The following FAM13B variants were observed in gnomAD, a reference collection of about 807,000 sequenced individuals.
FAM13B encodes the protein family with sequence similarity 13 member B, also known as protein FAM13B.
FAM13B carries 60 observed loss-of-function variants against 117.3 expected under a neutral mutation model. The observed-to-expected ratio is 0.51, with a 90% CI of 0.42 to 0.63. FAM13B has a LOEUF of 0.63. Among genes scored for constraint, FAM13B ranks in the 30% least tolerant of loss-of-function variants. The pLI is 0.00. For synonymous variants in FAM13B, 332 were observed against 356.1 expected, an observed-to-expected ratio of 0.93 and a Z score of 0.76; for missense variants, 972 against 1,091.9, an observed-to-expected ratio of 0.89 and a Z score of 1.55.
intron 10 of FAM13B, among the ~76,000 whole-genome samples, chr5:137,976,908 G>T (rs1250250851): frequency 6.6e-6 from 1 of 152,150 alleles, no homozygotes; most frequent in East Asian, 1.9e-4. Context: ...CTTGAAAAAA[G>T]AACAGGATAA....
intron 10 of FAM13B, 90 bp from the exon 11 acceptor site, chr5:137,962,559 G>C (rs774866733): frequency 5.6e-5 from 66 of 1,168,288 alleles, no homozygotes; most frequent in Non-Finnish European, 7.8e-5. Context: ...TTAGAATACA[G>C]ATTAGTCAAA....
intron 4 of FAM13B, among the ~76,000 whole-genome samples, chr5:138,014,230 C>T (rs947545256): frequency 6.6e-6 from 1 of 152,252 alleles, no homozygotes; most frequent in African/African-American, 2.4e-5. Flanking sequence ...AGTCCCCACG[C>T]CCAGCCATGA....
chr5:137,944,459 T>C (rs1480543053), intron 20 of FAM13B, among the ~76,000 whole-genome samples: 1 of 152,032 alleles, frequency 6.6e-6, no homozygotes, highest in African/African-American at 2.4e-5. Flanking sequence ...CATGAAATAT[T>C]ATACAGCCAT....
At chr5:138,040,340 C>T (rs1337931538) in intron 1 of FAM13B, among the ~76,000 whole-genome samples, 3 of 147,064 alleles carry the variant, frequency 2.0e-5, no homozygotes, top group Non-Finnish European at 3.0e-5. Flanking sequence ...GAGGCCGAGG[C>T]GGGCCGATCA....
chr5:138,046,235 C>T (rs1381924064), intron 1 of FAM13B, among the ~76,000 whole-genome samples: 2 of 152,320 alleles, frequency 1.3e-5, no homozygotes, highest in South Asian at 2.1e-4. Context: ...TCCCCAGGCA[C>T]GTGGAACTGT....
chr5:138,024,813 AGAG>A (rs1787794804), intron 1 of FAM13B, among the ~76,000 whole-genome samples: 1 of 992 alleles, frequency 1.0e-3, no homozygotes, highest in African/African-American at 2.4e-3. Flanking sequence ...ACACACACAC[AGAG>A]AGAGAGAGAG....
chr5:138,007,449 A>T (rs902900415), intron 6 of FAM13B, among the ~76,000 whole-genome samples: 1 of 152,224 alleles, frequency 6.6e-6, no homozygotes, highest in Non-Finnish European at 1.5e-5. Context: ...TATAGTTAAC[A>T]TTAAGAAAAC....
intron 10 of FAM13B, among the ~76,000 whole-genome samples, chr5:137,980,935 C>T (rs1346206763): frequency 6.6e-6 from 1 of 150,798 alleles, no homozygotes; most frequent in African/African-American, 2.4e-5. Context: ...TCTTCAAAGA[C>T]AGGGTCTCAC....
At chr5:138,037,131 T>C (rs1313956288), upstream of FAM13B, 4 of 171,214 alleles carry the variant, frequency 2.3e-5, no homozygotes, top group Non-Finnish European at 1.3e-5. Flanking sequence ...CACATTTCAA[T>C]ATATCAATAG....
At chr5:138,037,328 C>T (rs891077774), upstream of FAM13B, 1 of 152,370 alleles carries the variant, frequency 6.6e-6, no homozygotes, top group Non-Finnish European at 1.5e-5. Context: ...TCTATCCCAG[C>T]TTATCTGAAC....
intron 7 of FAM13B, among the ~76,000 whole-genome samples, chr5:137,992,946 T>C (rs1778983938): frequency 6.6e-6 from 1 of 152,054 alleles, no homozygotes; most frequent in Admixed American, 6.6e-5. Flanking sequence ...AAAAATTGAA[T>C]TGTCCACCAA....
intron 6 of FAM13B, among the ~76,000 whole-genome samples, chr5:138,008,084 C>A (rs9327805): frequency 0.98 from 149,368 of 152,326 alleles, 73,304 homozygotes; most frequent in Middle Eastern, 1. Context: ...AAAGAAAAGT[C>A]ATTACACTGT....
intron 10 of FAM13B, among the ~76,000 whole-genome samples, chr5:137,971,077 C>T (rs1482744395): frequency 2.0e-5 from 3 of 151,474 alleles, no homozygotes; most frequent in Non-Finnish European, 4.4e-5. Flanking sequence ...ACAAGGATAC[C>T]CAGGAATTGA....
At chr5:138,023,281 T>C (rs1267003732) in intron 1 of FAM13B, among the ~76,000 whole-genome samples, 1 of 152,230 alleles carries the variant, frequency 6.6e-6, no homozygotes, top group Non-Finnish European at 1.5e-5. Flanking sequence ...GACAAGTTTC[T>C]CTTTCTCCTG....
chr5:138,022,144 C>T (rs889223138), intron 1 of FAM13B, among the ~76,000 whole-genome samples: 4 of 151,402 alleles, frequency 2.6e-5, no homozygotes, highest in African/African-American at 9.7e-5. Flanking sequence ...AGAATAATAC[C>T]TGTACAGCTG....
intron 1 of FAM13B, among the ~76,000 whole-genome samples, chr5:138,045,726 C>T (rs1791622364): frequency 6.6e-6 from 1 of 151,774 alleles, no homozygotes; most frequent in Admixed American, 6.6e-5. Context: ...TGGCCAGACA[C>T]AGTGGCTCAC....
chr5:137,970,710 A>G (rs1037458073), intron 10 of FAM13B, among the ~76,000 whole-genome samples: 7 of 152,256 alleles, frequency 4.6e-5, no homozygotes, highest in Non-Finnish European at 8.8e-5. Flanking sequence ...TGTATTCAGG[A>G]AACCCATCTC....
At chr5:138,009,314 A>G (rs1561524502) in intron 6 of FAM13B, among the ~76,000 whole-genome samples, 1 of 152,212 alleles carries the variant, frequency 6.6e-6, no homozygotes, top group East Asian at 1.9e-4. Flanking sequence ...CTAAGTGATT[A>G]ACTGAGAGGT....
intron 7 of FAM13B, among the ~76,000 whole-genome samples, chr5:137,989,497 G>A (rs1211725776): frequency 1.3e-5 from 2 of 152,018 alleles, no homozygotes; most frequent in Non-Finnish European, 2.9e-5. Flanking sequence ...CATGCTGATC[G>A]TCTCCAGGGA....
Sources: gnomAD v4.1 joint callset for allele counts (sites outside exome capture counted in the v4.1 genomes callset) on GRCh38, gnomAD v4.1.1 for gene constraint, MANE v1.5 for transcripts, NCBI Gene and HGNC (gene_info 2026-07-23, HGNC 2026-07-21) for gene names.